The following CWF19L1 variants were observed in gnomAD, a reference collection of about 807,000 sequenced individuals.
The protein encoded by CWF19L1 is CWF19 like cell cycle control factor 1, also known as CWF19-like protein 1.
In CWF19L1, 60 loss-of-function variants were observed where a neutral mutation model predicts 69.7. That is an observed-to-expected ratio of 0.86 (90% CI 0.70 to 1.07). CWF19L1 has a LOEUF of 1.07. Ranked by LOEUF, CWF19L1 falls within the 50% of genes least tolerant of loss-of-function variation. CWF19L1 has a pLI of 0.00. For synonymous variants in CWF19L1, 209 were observed against 222.2 expected (o/e 0.94, Z 0.53); for missense variants, 591 against 638.9 (o/e 0.92, Z 0.81).
At chr10:100,236,604 G>A (rs1252971932) in intron 12 of CWF19L1, among the ~76,000 whole-genome samples, 5 of 151,906 alleles carry the variant, frequency 3.3e-5, no homozygotes, top group Admixed American at 1.3e-4. Context: ...ACCCCGTCTC[G>A]ACTAAAAATA....
chr10:100,236,785 CAACA>C, intron 12 of CWF19L1, 61 bp downstream of exon 12: 1 of 1,520,606 alleles, frequency 6.6e-7, no homozygotes, highest in Non-Finnish European at 8.8e-7. Context: ...AACAAACAAA[CAACA>C]AACAACAACA....
rs1846516429 is a variant in CWF19L1, at chr10:100,238,238, A to C, written c.1045-7T>G. ...TGGCCAGGGCAAGGTAGCACTGAAG[A>C]AGCAGCACACAGAATTGAGACATCA... On this transcript the variant is annotated splice_polypyrimidine_tract_variant and splice_region_variant and intron_variant, in intron 10 of 13. Transcript: ENST00000354105. The C allele has an allele frequency of 5.0e-6, 8 of 1,613,762 alleles. No individual in the cohort carries two copies. The highest frequency in any genetic ancestry group is 6.8e-6 in the Non-Finnish European group (8 of 1,179,750).
rs67759652 is a variant in CWF19L1 at position 100,266,189 on chromosome 10, ATTTT to A, written c.23+1378_23+1381del. On this transcript the variant is annotated intron_variant, in intron 1 of 13. Transcript: ENST00000354105. ...CTTCCCAAAAGTTACCACTATTGCA[ATTTT>A]TTTTTTTTTTTTTTTGAGACAGGGT... Among the ~76,000 whole-genome samples, 404 of 134,132 alleles carry A rather than the reference ATTTT, an allele frequency of 3.0e-3. 3 individuals carry two copies. The highest frequency in any genetic ancestry group is 9.1e-3 in the African/African-American group (336 of 36,930). The allele number at this position is 134,132 out of a possible 152,430, so 88.0% of individuals were successfully genotyped here. A position where few individuals can be genotyped will look rare whatever the true frequency, so the allele number is the denominator to read the frequency against.
chr10:100,256,950 C>CG (rs766744591), intron 4 of CWF19L1, among the ~76,000 whole-genome samples: 17 of 152,154 alleles, frequency 1.1e-4, no homozygotes, highest in Non-Finnish European at 1.9e-4. Context: ...GGCATGGCAG[C>CG]GTGTGCCTGT....
intron 9 of CWF19L1, among the ~76,000 whole-genome samples, chr10:100,245,591 C>T (rs145273897): frequency 0.02 from 3,098 of 152,260 alleles, 52 homozygotes; most frequent in Non-Finnish European, 0.034. Context: ...CAGAAACCTT[C>T]ATACATTGCC....
intron 4 of CWF19L1, among the ~76,000 whole-genome samples, chr10:100,259,642 T>C (rs1847328393): frequency 6.6e-6 from 1 of 151,990 alleles, no homozygotes; most frequent in African/African-American, 2.4e-5. Context: ...GCTAAACAAG[T>C]GTGTACCGGG....
chr10:100,241,076 T>A (rs959494851), intron 10 of CWF19L1, among the ~76,000 whole-genome samples: 1 of 139,034 alleles, frequency 7.2e-6, no homozygotes, highest in East Asian at 2.3e-4. Context: ...AGTGGCGCGA[T>A]CTTGGCCTGC....
intron 1 of CWF19L1, chr10:100,262,536 A>G (rs1193132668): frequency 2.3e-6 from 2 of 868,062 alleles, no homozygotes; most frequent in Non-Finnish European, 2.8e-6. Context: ...GCTAAGTACA[A>G]TATGCCAAGT....
At chr10:100,262,827 T>C (rs866560071) in intron 1 of CWF19L1, among the ~76,000 whole-genome samples, 1 of 152,354 alleles carries the variant, frequency 6.6e-6, no homozygotes, top group Middle Eastern at 3.4e-3. Context: ...CCACGGCTTA[T>C]ATCATTTCCT....
At chr10:100,240,638 GGAAAA>G (rs1846606108) in intron 10 of CWF19L1, among the ~76,000 whole-genome samples, 2 of 152,108 alleles carry the variant, frequency 1.3e-5, no homozygotes, top group Admixed American at 1.3e-4. Context: ...AAAGATGAAT[GGAAAA>G]GAAAAGTCAC....
intron 5 of CWF19L1, among the ~76,000 whole-genome samples, chr10:100,254,999 C>A (rs1204996533): frequency 6.6e-6 from 1 of 152,190 alleles, no homozygotes; most frequent in South Asian, 2.1e-4. Flanking sequence ...GGGTGGTATA[C>A]AGGCTCCACT....
At chr10:100,266,189 A>AC (rs1847575827) in intron 1 of CWF19L1, among the ~76,000 whole-genome samples, 3 of 134,130 alleles carry the variant, frequency 2.2e-5, no homozygotes, top group Admixed American at 7.5e-5. Context: ...CACTATTGCA[A>AC]TTTTTTTTTT....
Position 100,261,966 on chromosome 10 carries a change from A to G in CWF19L1, c.108+13T>C. On this transcript the variant is annotated intron_variant, in intron 2 of 13. Transcript: ENST00000354105. ...AAAGGTAAAATTAAATTCAGTAAAA[A>G]CAAACATCTTACATCAAAGTTTCCA... 6.3e-7 allele frequency: 1 copy of G among 1,589,228 alleles called. No homozygotes were observed. Among genetic ancestry groups the G allele is most frequent in the Non-Finnish European group, 8.5e-7 (1 of 1,171,808 alleles).
chr10:100,236,920 G>A lies in CWF19L1; in HGVS notation c.1304C>T (p.Ala435Val), dbSNP rs992946074. ...SCSTTDDIKD[A>V]FITQAQEQQI... ...CTGCTCCTGTGCCTGGGTAATGAAG[G>A]CATCTTTAATGTCATCAGTAGTAGA... The change falls in exon 12 of 14, where the codon GCC (alanine) becomes GTC (valine). Residue 435 changes from alanine to valine, a missense_variant. Coordinates refer to ENST00000354105, the MANE Select transcript of CWF19L1 (RefSeq NM_018294.6). The A allele has an allele frequency of 6.2e-7, 1 of 1,611,794 alleles. No individual in the cohort carries two copies. Among genetic ancestry groups the A allele is most frequent in the African/African-American group, 1.3e-5 (1 of 74,958 alleles).
chr10:100,261,330 T>C (rs1056983501), intron 2 of CWF19L1, among the ~76,000 whole-genome samples: 1 of 152,208 alleles, frequency 6.6e-6, no homozygotes, highest in African/African-American at 2.4e-5. Context: ...GCTCCTCAAA[T>C]TCCCAGTCCC....
chr10:100,256,458 G>A lies in CWF19L1; in HGVS notation c.308C>T (p.Thr103Ile). ...ITYLGRKGIF[T>I]GSSGLQIVYL... ...CACAATCTGCAGCCCCGAGCTTCCA[G>A]TGAAGATACCTTTACGACCTGGGTT... The change falls in exon 5 of 14, where the codon ACT (threonine) becomes ATT (isoleucine). Residue 103 changes from threonine to isoleucine, a missense_variant. Coordinates refer to ENST00000354105, the MANE Select transcript of CWF19L1 (RefSeq NM_018294.6). 1 of 1,614,156 alleles carries A rather than the reference G, an allele frequency of 6.2e-7. No individual in the cohort carries two copies.
intron 7 of CWF19L1, 78 bp downstream of exon 7, chr10:100,250,169 GA>G: frequency 2.0e-6 from 2 of 990,044 alleles, no homozygotes; most frequent in Non-Finnish European, 3.2e-6. Context: ...GAGAAGATCT[GA>G]ATGCTAAACT....
intron 10 of CWF19L1, among the ~76,000 whole-genome samples, chr10:100,243,406 AAG>A (rs765310273): frequency 6.6e-6 from 1 of 152,256 alleles, no homozygotes; most frequent in Non-Finnish European, 1.5e-5. Flanking sequence ...TTCCATTTAT[AAG>A]AAATGTCCAA....
chr10:100,249,370 G>T (rs1846945233), intron 7 of CWF19L1, among the ~76,000 whole-genome samples: 1 of 152,140 alleles, frequency 6.6e-6, no homozygotes, highest in Admixed American at 6.5e-5. Flanking sequence ...TTCACTAACT[G>T]TTCTTATTTT....
Sources: gnomAD v4.1 joint callset for allele counts (sites outside exome capture counted in the v4.1 genomes callset) on GRCh38, gnomAD v4.1.1 for gene constraint, MANE v1.5 for transcripts, NCBI Gene and HGNC (gene_info 2026-07-23, HGNC 2026-07-21) for gene names.